The following RBM27 variants were observed in gnomAD, a reference collection of about 807,000 sequenced individuals.
RBM27 encodes the protein RNA binding motif protein 27, also known as RNA-binding protein 27.
A neutral mutation model predicts 135.3 loss-of-function variants in RBM27; 22 were observed. That is an observed-to-expected ratio of 0.16 (90% CI 0.12 to 0.23). The LOEUF (loss-of-function observed/expected upper bound fraction) is 0.23, where lower values mean the gene tolerates loss of function less well. Ranked by LOEUF, RBM27 falls within the 10% of genes least tolerant of loss-of-function variation. The pLI is 1.00. For missense variants in RBM27, 1,009 were observed against 1,281.0 expected, an observed-to-expected ratio of 0.79 and a Z score of 3.24; for synonymous variants, 481 against 442.4, an observed-to-expected ratio of 1.09 and a Z score of -1.10.
intron 7 of RBM27, among the ~76,000 whole-genome samples, chr5:146,235,815 G>A (rs1470521913): frequency 6.6e-6 from 1 of 152,028 alleles, no homozygotes; most frequent in African/African-American, 2.4e-5. Context: ...AGTCTCCTGA[G>A]TAGCTGGGAC....
chr5:146,211,193 T>C (rs992335171), intron 1 of RBM27, among the ~76,000 whole-genome samples: 2 of 151,884 alleles, frequency 1.3e-5, no homozygotes, highest in Admixed American at 6.6e-5. Flanking sequence ...GGTGGGAGGA[T>C]CACTTGAGCC....
At position 146,254,838 on chromosome 5, in the gene RBM27, T is replaced by G. The variant is rs949307020; in HGVS notation, c.1445-105T>G. The G allele has an allele frequency of 4.8e-6, 5 of 1,035,496 alleles. No individual in the cohort carries two copies. The African/African-American group carries it at 8.2e-5, about 17-fold the overall frequency. 64.1% of individuals were successfully genotyped at this position (1,035,496 alleles called of 1,614,324 possible). On this transcript the variant is annotated intron_variant, in intron 9 of 20. Coordinates refer to ENST00000265271, the MANE Select transcript of RBM27 (RefSeq NM_018989.2). Reference sequence around the variant, plus strand: ...AGGTGACTGTAGGTTGATGTATTTGTTGGAGAATATATGTTTTTTAAGCAG... The same window carrying G: ...AGGTGACTGTAGGTTGATGTATTTGGTGGAGAATATATGTTTTTTAAGCAG...
Position 146,234,853 on chromosome 5 carries a change from G to A in RBM27, c.1144+1110G>A, listed in dbSNP as rs571790184. Among the ~76,000 whole-genome samples the A allele has an allele frequency of 2.6e-5, 4 of 151,922 alleles. No individual in the cohort carries two copies. In the South Asian group the frequency reaches 8.3e-4, roughly 32 times the overall value. On this transcript the variant is annotated intron_variant, in intron 7 of 20. Coordinates refer to ENST00000265271, the MANE Select transcript of RBM27 (RefSeq NM_018989.2). ...GTTCGAGACCAGCCTGGGCAAGATG[G>A]CGAAACCCCATCTCTAGAAAAAATA...
chr5:146,238,127 T>C (rs750943045), intron 8 of RBM27, among the ~76,000 whole-genome samples: 8 of 152,366 alleles, frequency 5.3e-5, no homozygotes, highest in Admixed American at 1.3e-4. Flanking sequence ...ATAATTAACT[T>C]GCATACTGAA....
At chr5:146,223,187 T>C (rs1232870504) in intron 2 of RBM27, among the ~76,000 whole-genome samples, 3 of 152,150 alleles carry the variant, frequency 2.0e-5, no homozygotes, top group African/African-American at 7.2e-5. Flanking sequence ...TGCTATTATA[T>C]CCTCCAACAA....
chr5:146,218,964 G>T, intron 1 of RBM27, 21 bp from the exon 2 acceptor site: 1 of 1,506,682 alleles, frequency 6.6e-7, no homozygotes, highest in African/African-American at 1.4e-5. Flanking sequence ...TAAAATTTTT[G>T]TTTTCTCTTT....
chr5:146,282,286 G>A (rs556869545), intron 19 of RBM27, among the ~76,000 whole-genome samples: 1 of 152,166 alleles, frequency 6.6e-6, no homozygotes, highest in South Asian at 2.1e-4. Flanking sequence ...GATTACAGGC[G>A]TGAGCCACCG....
At chr5:146,279,921 A>G (rs540140929) in intron 19 of RBM27, among the ~76,000 whole-genome samples, 19 of 152,246 alleles carry the variant, frequency 1.2e-4, no homozygotes, top group Non-Finnish European at 2.5e-4. Flanking sequence ...GAAAAATACT[A>G]TGTATGTAAG....
intron 7 of RBM27, among the ~76,000 whole-genome samples, chr5:146,236,421 C>T (rs1034075527): frequency 4.6e-5 from 7 of 152,178 alleles, no homozygotes; most frequent in Non-Finnish European, 1.0e-4. Flanking sequence ...TCTTCTCAGC[C>T]GTTCTCCACC....
chr5:146,240,700 T>C (rs1757371334), intron 8 of RBM27, among the ~76,000 whole-genome samples: 1 of 152,206 alleles, frequency 6.6e-6, no homozygotes, highest in African/African-American at 2.4e-5. Flanking sequence ...TATATAGGCC[T>C]ACTGTTTGAT....
chr5:146,228,649 G>A (rs1173525176), intron 3 of RBM27, among the ~76,000 whole-genome samples: 2 of 152,070 alleles, frequency 1.3e-5, no homozygotes. Context: ...CATCCAGCCT[G>A]TGGTGCAGTG....
At chr5:146,247,982 C>G (rs1397129470) in intron 8 of RBM27, among the ~76,000 whole-genome samples, 1 of 152,120 alleles carries the variant, frequency 6.6e-6, no homozygotes, top group African/African-American at 2.4e-5. Flanking sequence ...ACTATAACAA[C>G]CATTTGGTTA....
intron 1 of RBM27, among the ~76,000 whole-genome samples, chr5:146,217,408 T>C (rs541787900): frequency 3.9e-5 from 6 of 152,170 alleles, no homozygotes; most frequent in Non-Finnish European, 5.9e-5. Context: ...TTTTATTTTG[T>C]TTACTAATCT....
intron 3 of RBM27, among the ~76,000 whole-genome samples, chr5:146,226,493 C>T (rs1200573335): frequency 6.6e-6 from 1 of 152,072 alleles, no homozygotes; most frequent in African/African-American, 2.4e-5. Context: ...ATTCTCCTGC[C>T]TCAGTCTCCC....
intron 6 of RBM27, 135 bp from the exon 7 acceptor site, chr5:146,233,315 A>G: frequency 7.3e-7 from 1 of 1,375,858 alleles, no homozygotes; most frequent in East Asian, 2.5e-5. Context: ...TAACAGAGTA[A>G]CACTGAGACT....
At chr5:146,233,254 G>C (rs1757014699) in intron 6 of RBM27, among the ~76,000 whole-genome samples, 196 bp from the exon 7 acceptor site, 1 of 152,162 alleles carries the variant, frequency 6.6e-6, no homozygotes, top group Non-Finnish European at 1.5e-5. Flanking sequence ...TAGTATCATA[G>C]TGTAAAAAGT....
rs564880502 is a variant in RBM27, at chr5:146,258,432, AT to A, written c.1595-8del. ...ACTCCTGAAAAACTCAGTAATTTCAATTTTTTTTTCCAACAGCTGCTAACAT... is the reference window on the plus strand; with the variant it reads ...ACTCCTGAAAAACTCAGTAATTTCAATTTTTTTTCCAACAGCTGCTAACAT... On this transcript the variant is annotated splice_polypyrimidine_tract_variant and intron_variant, in intron 10 of 20. Coordinates refer to ENST00000265271, the MANE Select transcript of RBM27 (RefSeq NM_018989.2). 381 of 1,508,638 alleles carry A rather than the reference AT, an allele frequency of 2.5e-4. No homozygotes were observed. Among genetic ancestry groups the A allele is most frequent in the South Asian group, 1.0e-3 (76 of 74,828 alleles). The allele number at this position is 1,508,638 out of a possible 1,614,324, so 93.5% of individuals were successfully genotyped here. A position where few individuals can be genotyped will look rare whatever the true frequency, so the allele number is the denominator to read the frequency against.
chr5:146,246,518 A>G (rs538576024), intron 8 of RBM27, among the ~76,000 whole-genome samples: 14 of 152,130 alleles, frequency 9.2e-5, no homozygotes, highest in Non-Finnish European at 1.8e-4. Flanking sequence ...GATAGTGAAC[A>G]TTTTTTAATG....
chr5:146,214,000 A>T (rs1442109753), intron 1 of RBM27, among the ~76,000 whole-genome samples: 1 of 152,208 alleles, frequency 6.6e-6, no homozygotes, highest in Non-Finnish European at 1.5e-5. Context: ...TTTAAAAGGT[A>T]ACTGTTGGTT....
Sources: gnomAD v4.1 joint callset for allele counts (sites outside exome capture counted in the v4.1 genomes callset) on GRCh38, gnomAD v4.1.1 for gene constraint, MANE v1.5 for transcripts, NCBI Gene and HGNC (gene_info 2026-07-23, HGNC 2026-07-21) for gene names.